Variants in MOXD1 observed in about 807,000 individuals in gnomAD.
MOXD1 encodes the protein DBH-like monooxygenase protein 1.
A neutral mutation model predicts 66.6 loss-of-function variants in MOXD1; 62 were observed. That is an observed-to-expected ratio of 0.93 (90% confidence interval 0.76 to 1.15). The LOEUF is 1.15. Ranked by LOEUF, MOXD1 falls within the 50% of genes most tolerant of loss-of-function variation. The probability of loss-of-function intolerance (pLI) is 0.00; values close to 1 mark genes in which losing one functional copy is unlikely to be tolerated. For synonymous variants in MOXD1, 303 were observed against 281.9 expected, an observed-to-expected ratio of 1.07 and a Z score of -0.75; for missense variants, 847 against 754.6, an observed-to-expected ratio of 1.12 and a Z score of -1.44.
intron 9 of MOXD1, among the ~76,000 whole-genome samples, chr6:132,319,180 A>G (rs1775022092): frequency 6.6e-6 from 1 of 152,022 alleles, no homozygotes; most frequent in Non-Finnish European, 1.5e-5. Context: ...CTCCATGTGA[A>G]AGCTAAAACA....
At position 132,357,338 on chromosome 6, in the gene MOXD1, C is replaced by A. The variant is rs73546058; in HGVS notation, c.663+15270G>T. On this transcript the variant is annotated intron_variant, in intron 4 of 11. Transcript: ENST00000367963. ...TCAGAGTACTGACATTTCCTGTTTA[C>A]CACTGAAAAAAGAACTTAGTTCTCT... 5.5e-3 allele frequency among the ~76,000 whole-genome samples: 832 copies of A among 152,060 alleles called. 12 individuals are homozygous for A. The highest frequency in any genetic ancestry group is 0.02 in the African/African-American group (812 of 41,514).
chr6:132,395,755 G>T (rs562869397), intron 1 of MOXD1, among the ~76,000 whole-genome samples: 61 of 152,188 alleles, frequency 4.0e-4, no homozygotes, highest in African/African-American at 1.2e-3. Flanking sequence ...CATACCTTAA[G>T]TATAAAACAC....
intron 9 of MOXD1, among the ~76,000 whole-genome samples, chr6:132,319,824 A>G (rs1040833565): frequency 2.0e-5 from 3 of 152,012 alleles, no homozygotes; most frequent in African/African-American, 7.2e-5. Context: ...CTGTTATTCC[A>G]GGCTTGCTAA....
chr6:132,341,439 T>C (rs1338800959), intron 4 of MOXD1, among the ~76,000 whole-genome samples: 1 of 152,226 alleles, frequency 6.6e-6, no homozygotes, highest in East Asian at 1.9e-4. Context: ...GACTAAGACA[T>C]GTTTAGTAAC....
At chr6:132,400,602 AC>A (rs1777000416) in intron 1 of MOXD1, among the ~76,000 whole-genome samples, 1 of 152,044 alleles carries the variant, frequency 6.6e-6, no homozygotes, top group African/African-American at 2.4e-5. Flanking sequence ...GGCTTCCTGA[AC>A]AGCTCTCGGA....
chr6:132,382,571 A>C (rs73780062), intron 1 of MOXD1, among the ~76,000 whole-genome samples: 7,404 of 152,228 alleles, frequency 0.049, 566 homozygotes, highest in African/African-American at 0.16. Context: ...GTTACACCTG[A>C]AAATGAGTTA....
At chr6:132,378,806 T>G (rs1776447010) in intron 1 of MOXD1, among the ~76,000 whole-genome samples, 1 of 149,126 alleles carries the variant, frequency 6.7e-6, no homozygotes, top group Admixed American at 6.7e-5. Flanking sequence ...TTACCAAATA[T>G]TTAAGGAAGA....
chr6:132,328,325 G>A lies in MOXD1; in HGVS notation c.843+90C>T. On this transcript the variant is annotated intron_variant, in intron 5 of 11. Transcript: ENST00000367963. Reference sequence around the variant, plus strand: ...CCTTCATATCAAAAGTAGCGTTAAAGCTTTACTTCTAAGTATTAATTAGAA... The same window carrying A: ...CCTTCATATCAAAAGTAGCGTTAAAACTTTACTTCTAAGTATTAATTAGAA... The A allele has an allele frequency of 7.4e-6, 11 of 1,495,944 alleles. No homozygotes were observed. The South Asian group carries it at 1.3e-4, about 18-fold the overall frequency. 92.7% of individuals were successfully genotyped at this position (1,495,944 alleles called of 1,614,324 possible).
At chr6:132,387,310 T>TA (rs2114687904) in intron 1 of MOXD1, among the ~76,000 whole-genome samples, 1 of 151,572 alleles carries the variant, frequency 6.6e-6, no homozygotes, top group Admixed American at 6.6e-5. Context: ...AATTTTATAC[T>TA]GTGTACATGC....
At chr6:132,392,136 T>C in intron 1 of MOXD1, 1 of 1,491,470 alleles carries the variant, frequency 6.7e-7, no homozygotes, top group East Asian at 2.5e-5. Context: ...TTGGCTGGGG[T>C]GTGCTTAAAA....
At chr6:132,326,171 A>T (rs887867670) in intron 6 of MOXD1, among the ~76,000 whole-genome samples, 3 of 152,124 alleles carry the variant, frequency 2.0e-5, no homozygotes, top group African/African-American at 7.2e-5. Context: ...TCTTAAGCAC[A>T]TATAAAATGA....
At chr6:132,380,232 G>A (rs1303603598) in intron 1 of MOXD1, among the ~76,000 whole-genome samples, 3 of 152,154 alleles carry the variant, frequency 2.0e-5, no homozygotes, top group African/African-American at 4.8e-5. Flanking sequence ...CACCCTCAGT[G>A]TGTCATTGCA....
At chr6:132,392,240 A>T (rs749931497) in intron 1 of MOXD1, 1 of 1,602,614 alleles carries the variant, frequency 6.2e-7, no homozygotes, top group South Asian at 1.1e-5. Context: ...GGCAGCAATT[A>T]CCCTGCTGCT....
intron 4 of MOXD1, among the ~76,000 whole-genome samples, chr6:132,349,122 C>T (rs945444063): frequency 6.6e-6 from 1 of 150,968 alleles, no homozygotes; most frequent in Non-Finnish European, 1.5e-5. Context: ...TCTTTTTATC[C>T]CTTGCCCACC....
intron 4 of MOXD1, among the ~76,000 whole-genome samples, chr6:132,352,177 C>T (rs975179207): frequency 2.6e-5 from 4 of 151,798 alleles, no homozygotes; most frequent in East Asian, 1.9e-4. Flanking sequence ...TGCTGGGTTT[C>T]GGTTTAGTTT....
At chr6:132,316,454 T>G (rs1157216931) in intron 9 of MOXD1, among the ~76,000 whole-genome samples, 3 of 152,108 alleles carry the variant, frequency 2.0e-5, no homozygotes, top group Admixed American at 6.5e-5. Context: ...AAAGCCGTTT[T>G]ACAAAGTGTT....
intron 11 of MOXD1, 107 bp from the exon 12 acceptor site, chr6:132,297,424 G>A: frequency 8.3e-7 from 1 of 1,206,168 alleles, no homozygotes; most frequent in Non-Finnish European, 1.2e-6. Context: ...GGGGGCAGGA[G>A]TGGTTACCAA....
At chr6:132,375,553 G>A (rs902651997) in intron 1 of MOXD1, among the ~76,000 whole-genome samples, 3 of 152,118 alleles carry the variant, frequency 2.0e-5, no homozygotes, top group Admixed American at 6.6e-5. Context: ...AGCCTCCCGA[G>A]TACCTGGGAC....
intron 1 of MOXD1, among the ~76,000 whole-genome samples, chr6:132,375,874 A>T (rs1304152190): frequency 6.6e-6 from 1 of 152,238 alleles, no homozygotes; most frequent in Admixed American, 6.5e-5. Flanking sequence ...TAACATTACT[A>T]AAATGGGGAT....
Sources: allele counts gnomAD v4.1 joint callset (sites outside exome capture counted in the v4.1 genomes callset), GRCh38; gene constraint gnomAD v4.1.1; transcripts MANE v1.5; gene names NCBI Gene and HGNC (gene_info 2026-07-23, HGNC 2026-07-21).